The following GALNT17 variants were observed in gnomAD, a reference collection of about 807,000 sequenced individuals.
GALNT17 encodes UDP-GalNAc:polypeptide N-acetylgalactosaminyltransferase-like 3.
GALNT17 carries 29 observed loss-of-function variants against 63.7 expected under a neutral mutation model. The ratio of observed to expected loss-of-function variants is 0.46; its 90% CI spans 0.34 to 0.62. The LOEUF (loss-of-function observed/expected upper bound fraction) is 0.62, where lower values mean the gene tolerates loss of function less well. GALNT17 is among the 20% of genes least tolerant of loss of function. GALNT17 has a pLI of 0.01. For missense variants in GALNT17, 603 were observed against 799.6 expected (o/e 0.75, Z 2.97); for synonymous variants, 305 against 318.3 (o/e 0.96, Z 0.45).
rs1369813494 is a variant in GALNT17 at position 71,170,761 on chromosome 7, G to A, written c.238+37721G>A. 2.6e-5 allele frequency among the ~76,000 whole-genome samples: 4 copies of A among 152,168 alleles called. No individual in the cohort carries two copies. In the East Asian group the frequency reaches 7.7e-4, roughly 29 times the overall value. On this transcript the variant is annotated intron_variant, in intron 1 of 10. Transcript: ENST00000333538. ...GGGATGGCTGATTGGGAGTTAAATT[G>A]CCCCCCAAATAATTCAAGGTGTATT...
At chr7:71,651,803 C>T (rs772523400) in intron 6 of GALNT17, among the ~76,000 whole-genome samples, 33 of 152,112 alleles carry the variant, frequency 2.2e-4, no homozygotes, top group Admixed American at 3.3e-4. Flanking sequence ...CTTCAGTCCC[C>T]GGGGTTCAAG....
At chr7:71,200,641 G>A (rs919678964) in intron 1 of GALNT17, among the ~76,000 whole-genome samples, 5 of 151,964 alleles carry the variant, frequency 3.3e-5, no homozygotes, top group Non-Finnish European at 2.9e-5. Flanking sequence ...AGCTTTTTGC[G>A]TGGTTATAGT....
chr7:71,474,976 G>T (rs191989112), intron 5 of GALNT17, among the ~76,000 whole-genome samples: 1 of 152,016 alleles, frequency 6.6e-6, no homozygotes. Flanking sequence ...GGATGCAGCC[G>T]CAAGCCAAGG....
intron 6 of GALNT17, among the ~76,000 whole-genome samples, chr7:71,623,752 T>C (rs1303996483): frequency 6.6e-6 from 1 of 152,144 alleles, no homozygotes; most frequent in Non-Finnish European, 1.5e-5. Context: ...GTAGTTTTGT[T>C]TCTCCTGGCA....
chr7:71,281,620 T>C (rs1790778488), intron 1 of GALNT17, among the ~76,000 whole-genome samples: 1 of 152,240 alleles, frequency 6.6e-6, no homozygotes, highest in Non-Finnish European at 1.5e-5. Context: ...TTGTTATCTC[T>C]GACACCTCTC....
rs369629488 is a variant in GALNT17 at position 71,244,854 on chromosome 7, A to G, written c.239-90696A>G. Among the ~76,000 whole-genome samples the G allele has an allele frequency of 2.4e-4, 37 of 152,096 alleles. No homozygotes were observed. The East Asian group carries it at 5.8e-3, about 24-fold the overall frequency. ...AGTTCTAGTTGCTTGGGAGGCCAAG[A>G]CGGGAGGATCACTTGAGCCCAGGGG... On this transcript the variant is annotated intron_variant, in intron 1 of 10. Coordinates refer to ENST00000333538, the MANE Select transcript of GALNT17 (RefSeq NM_022479.3).
At chr7:71,529,799 A>G (rs1039721905) in intron 5 of GALNT17, among the ~76,000 whole-genome samples, 4 of 152,228 alleles carry the variant, frequency 2.6e-5, no homozygotes, top group East Asian at 1.9e-4. Context: ...CAACTAGGTA[A>G]TTAATAACCT....
At chr7:71,581,567 C>A (rs1020461156) in intron 6 of GALNT17, among the ~76,000 whole-genome samples, 2 of 152,102 alleles carry the variant, frequency 1.3e-5, no homozygotes, top group East Asian at 3.9e-4. Flanking sequence ...CCTCCTTCAA[C>A]GCGTGGGGAT....
intron 10 of GALNT17, 55 bp from the exon 11 acceptor site, chr7:71,711,963 C>G (rs776499301): frequency 1.5e-5 from 24 of 1,586,320 alleles, no homozygotes; most frequent in Non-Finnish European, 1.7e-5. Context: ...ATATCTCTCG[C>G]TGTCTCTCTC....
chr7:71,654,320 C>T (rs1790796156), intron 6 of GALNT17, among the ~76,000 whole-genome samples: 1 of 152,292 alleles, frequency 6.6e-6, no homozygotes, highest in African/African-American at 2.4e-5. Flanking sequence ...CCACTGCGCC[C>T]GGCCGGCTGG....
intron 5 of GALNT17, among the ~76,000 whole-genome samples, chr7:71,551,765 A>G (rs1451849259): frequency 3.8e-5 from 4 of 104,198 alleles, no homozygotes; most frequent in Non-Finnish European, 1.0e-4. Context: ...CTCAAAAAAA[A>G]AAAAAAAAGA....
chr7:71,290,502 G>A (rs1487036353), intron 1 of GALNT17, among the ~76,000 whole-genome samples: 1 of 152,082 alleles, frequency 6.6e-6, no homozygotes, highest in Non-Finnish European at 1.5e-5. Flanking sequence ...AGATGGCCCG[G>A]GGAGGCTACC....
intron 5 of GALNT17, among the ~76,000 whole-genome samples, chr7:71,441,019 C>CT (rs35952628): frequency 0.52 from 76,093 of 147,338 alleles, 21,260 homozygotes; most frequent in Non-Finnish European, 0.64. Flanking sequence ...TGTTGTTGTT[C>CT]TTTTTTTTTT....
chr7:71,397,504 T>A (rs1793159571), intron 3 of GALNT17, among the ~76,000 whole-genome samples: 2 of 152,038 alleles, frequency 1.3e-5, no homozygotes, highest in African/African-American at 4.8e-5. Context: ...AGTCAGAACA[T>A]CCAATTATAG....
chr7:71,319,658 A>G (rs1401278773), intron 1 of GALNT17, among the ~76,000 whole-genome samples: 1 of 152,140 alleles, frequency 6.6e-6, no homozygotes, highest in African/African-American at 2.4e-5. Context: ...CAAACTCTTG[A>G]TTCCATGTTA....
At chr7:71,328,389 C>T (rs1319887911) in intron 1 of GALNT17, among the ~76,000 whole-genome samples, 1 of 152,268 alleles carries the variant, frequency 6.6e-6, no homozygotes, top group South Asian at 2.1e-4. Context: ...GCTGCTTCTC[C>T]CCCTTTGACT....
intron 5 of GALNT17, among the ~76,000 whole-genome samples, chr7:71,500,039 C>T (rs376621892): frequency 6.6e-6 from 1 of 152,206 alleles, no homozygotes; most frequent in Non-Finnish European, 1.5e-5. Flanking sequence ...TGAAGCCTCT[C>T]CAGCCATGCG....
At position 71,232,629 on chromosome 7, in the gene GALNT17, A is replaced by G. The variant is rs529254773; in HGVS notation, c.238+99589A>G. ...GCCAGTAGTAGAAGAAACCAGCTTTATGGAGGCATTAGTGTTACAGCTCTG... is the reference window on the plus strand; with the variant it reads ...GCCAGTAGTAGAAGAAACCAGCTTTGTGGAGGCATTAGTGTTACAGCTCTG... On this transcript the variant is annotated intron_variant, in intron 1 of 10. Transcript: ENST00000333538. 3.4e-4 allele frequency among the ~76,000 whole-genome samples: 52 copies of G among 152,318 alleles called. 2 individuals carry two copies. In the Middle Eastern group the frequency reaches 0.01, roughly 30 times the overall value.
At chr7:71,468,432 T>G (rs78606500) in intron 5 of GALNT17, among the ~76,000 whole-genome samples, 4 of 151,660 alleles carry the variant, frequency 2.6e-5, no homozygotes, top group East Asian at 2.0e-4. Context: ...TTTTTTTTAA[T>G]TGGAGACAGA....
Sources: allele counts gnomAD v4.1 joint callset (sites outside exome capture counted in the v4.1 genomes callset), GRCh38; gene constraint gnomAD v4.1.1; transcripts MANE v1.5; gene names NCBI Gene and HGNC (gene_info 2026-07-23, HGNC 2026-07-21).